SMOX: variants seen among roughly 807,000 people sequenced by gnomAD.
SMOX encodes the protein flavin containing amine oxidase.
SMOX carries 22 observed loss-of-function variants against 51.0 expected under a neutral mutation model. The observed-to-expected ratio is 0.43, with a 90% CI of 0.31 to 0.62. The LOEUF is 0.62. SMOX is among the 20% of genes least tolerant of loss of function. The pLI is 0.10. For synonymous variants in SMOX, 282 were observed against 307.8 expected (o/e 0.92, Z 0.88); for missense variants, 566 against 777.7 (o/e 0.73, Z 3.24).
At position 4,172,801 on chromosome 20, in the gene SMOX, G is replaced by C. The variant is rs1600814098; in HGVS notation, c.-26-2229G>C. Among the ~76,000 whole-genome samples, 1 of 137,024 alleles carries C rather than the reference G, an allele frequency of 7.3e-6. No homozygotes were observed. The highest frequency in any genetic ancestry group is 1.6e-5 in the Non-Finnish European group (1 of 62,766). 89.9% of individuals were successfully genotyped at this position (137,024 alleles called of 152,430 possible). The stretch of plus-strand genomic sequence containing the variant: ...AGGGATTTTAGGGGCTGGAGGGTGG[G>C]TGGGTGGGAGGGGGGGTGGTGGAGG... On this transcript the variant is annotated intron_variant, in intron 1 of 6. Transcript: ENST00000305958. The surrounding 1 kb of genome is among the most constrained non-coding windows in gnomAD (Gnocchi z 7.7).
chr20:4,184,375 A>G (rs947828056), intron 6 of SMOX, among the ~76,000 whole-genome samples: 2 of 152,166 alleles, frequency 1.3e-5, no homozygotes, highest in South Asian at 2.1e-4. Context: ...AGGTTACCAT[A>G]GTAAAGTACA....
chr20:4,152,678 G>T (rs973986217), intron 1 of SMOX, among the ~76,000 whole-genome samples: 3 of 152,150 alleles, frequency 2.0e-5, no homozygotes, highest in African/African-American at 7.2e-5. Flanking sequence ...AGGCCAAGAG[G>T]CAGGGCAGGG....
At chr20:4,152,135 G>A (rs548590817) in intron 1 of SMOX, among the ~76,000 whole-genome samples, 6 of 152,308 alleles carry the variant, frequency 3.9e-5, no homozygotes, top group East Asian at 1.9e-4. Flanking sequence ...GAGGGCAGCC[G>A]GTGGGATGTG....
intron 1 of SMOX, among the ~76,000 whole-genome samples, chr20:4,168,205 T>C (rs954862730): frequency 6.6e-6 from 1 of 151,808 alleles, no homozygotes; most frequent in African/African-American, 2.4e-5. Context: ...GGAAGAGAGG[T>C]TTAAAGTCCC....
intron 1 of SMOX, among the ~76,000 whole-genome samples, chr20:4,158,324 C>A (rs1287890136): frequency 6.6e-6 from 1 of 152,146 alleles, no homozygotes; most frequent in Non-Finnish European, 1.5e-5. Flanking sequence ...GCCCTAGCTC[C>A]CCTCTCTTGT....
chr20:4,155,555 G>T (rs776521648), intron 1 of SMOX, among the ~76,000 whole-genome samples: 3 of 152,108 alleles, frequency 2.0e-5, no homozygotes, highest in African/African-American at 4.8e-5. Context: ...CACACGGTTT[G>T]CTGGGTGGGG....
chr20:4,175,107 G>A lies in SMOX; in HGVS notation c.52G>A (p.Gly18Ser), dbSNP rs763892702. 17 of 1,614,216 alleles carry A rather than the reference G, an allele frequency of 1.1e-5. No individual in the cohort carries two copies. The highest frequency in any genetic ancestry group is 2.2e-5 in the East Asian group (1 of 44,880). Residue 18 changes from glycine to serine, a missense_variant, in exon 2 of 7, where the codon GGC becomes AGC. Gly to Ser is a moderately conservative substitution (Grantham distance 56). This residue lies in a region of SMOX where 217 missense variants were observed against 278.4 expected (regional missense o/e 0.78). Coordinates refer to ENST00000305958, the MANE Select transcript of SMOX (RefSeq NM_175839.3). Reference sequence around the variant, plus strand: ...CAGTGCGGATGACCCTCTCAGTCGCGGCCTACGGAGAAGGGGACAGCCTCG... The same window carrying A: ...CAGTGCGGATGACCCTCTCAGTCGCAGCCTACGGAGAAGGGGACAGCCTCG... ...GDSADDPLSR[G>S]LRRRGQPRVV... is the part of the protein sequence containing the mutation.
At chr20:4,159,029 AT>A (rs1178648051) in intron 1 of SMOX, among the ~76,000 whole-genome samples, 1 of 150,070 alleles carries the variant, frequency 6.7e-6, no homozygotes, top group East Asian at 1.9e-4. Context: ...AAAAAAAAAA[AT>A]CATACACAAT....
chr20:4,174,896 A>G, intron 1 of SMOX, 134 bp from the exon 2 acceptor site: 1 of 793,404 alleles, frequency 1.3e-6, no homozygotes, highest in Non-Finnish European at 2.0e-6. Context: ...AGGTCCTCAG[A>G]GAGGGAGGGA....
chr20:4,165,599 T>A (rs1238255267), intron 1 of SMOX, among the ~76,000 whole-genome samples: 1 of 152,072 alleles, frequency 6.6e-6, no homozygotes, highest in Non-Finnish European at 1.5e-5. Context: ...GACCATGGGG[T>A]CTTATCCTAA....
Position 4,170,316 on chromosome 20 carries a change from A to G in SMOX, c.-26-4714A>G, listed in dbSNP as rs995549881. ...TTGGTGGTCCTGTAATTTGCCCTCA[A>G]TGAGGAAAGTGCCAGGAGTTGGGTG... On this transcript the variant is annotated intron_variant, in intron 1 of 6. Transcript: ENST00000305958. The surrounding 1 kb of genome is among the most constrained non-coding windows in gnomAD (Gnocchi z 4.6). 4.6e-5 allele frequency among the ~76,000 whole-genome samples: 7 copies of G among 152,106 alleles called. No homozygotes were observed. Among genetic ancestry groups the G allele is most frequent in the Admixed American group, 1.3e-4 (2 of 15,268 alleles).
Position 4,187,123 on chromosome 20 carries a change from C to T in SMOX, c.1531-147C>T. On this transcript the variant is annotated intron_variant, in intron 6 of 6. Coordinates refer to ENST00000305958, the MANE Select transcript of SMOX (RefSeq NM_175839.3). This position sits in a 1 kb window ranked among gnomAD's most constrained non-coding sequence, Gnocchi z 4.8. Reference sequence around the variant, plus strand: ...AAGTGGCCAGATAGGATGGGCAGCTCTTCATCCTGTGGAAGCAGCAGCACC... The same window carrying T: ...AAGTGGCCAGATAGGATGGGCAGCTTTTCATCCTGTGGAAGCAGCAGCACC... The T allele has an allele frequency of 9.2e-7, 1 of 1,083,160 alleles. No individual in the cohort carries two copies. Among genetic ancestry groups the T allele is most frequent in the Non-Finnish European group, 1.3e-6 (1 of 773,290 alleles). The allele number at this position is 1,083,160 out of a possible 1,614,324, so 67.1% of individuals were successfully genotyped here.
intron 1 of SMOX, among the ~76,000 whole-genome samples, chr20:4,154,386 C>CTTTTT (rs57727682): frequency 6.7e-6 from 1 of 149,954 alleles, no homozygotes. Context: ...TTCTTTCTTT[C>CTTTTT]TTTTTTTGAG....
chr20:4,163,362 A>G (rs1179016343), intron 1 of SMOX, among the ~76,000 whole-genome samples: 1 of 152,182 alleles, frequency 6.6e-6, no homozygotes, highest in South Asian at 2.1e-4. Flanking sequence ...GGCCTGGGCC[A>G]GGCTCCCTGC....
At chr20:4,171,656 C>T (rs1334814806) in intron 1 of SMOX, 2 of 152,208 alleles carry the variant, frequency 1.3e-5, no homozygotes, top group Non-Finnish European at 1.5e-5. Context: ...ATTCCATGTG[C>T]GATGTCTGTT....
chr20:4,183,416 G>T lies in SMOX; in HGVS notation c.1370-78G>T. On this transcript the variant is annotated intron_variant, in intron 5 of 6. Transcript: ENST00000305958. This position sits in a 1 kb window ranked among gnomAD's most constrained non-coding sequence, Gnocchi z 4.3. ...CGGAGCCCTGGAGGTGGGGTGGGGGGTTGTCCCTTTGGGGTCATCTTCCAT... is the reference window on the plus strand; with the variant it reads ...CGGAGCCCTGGAGGTGGGGTGGGGGTTTGTCCCTTTGGGGTCATCTTCCAT... 1.2e-6 allele frequency: 2 copies of T among 1,607,164 alleles called. No individual in the cohort carries two copies. The highest frequency in any genetic ancestry group is 2.2e-5 in the South Asian group (2 of 90,734).
chr20:4,173,301 C>T (rs1403645641), intron 1 of SMOX, among the ~76,000 whole-genome samples: 4 of 152,150 alleles, frequency 2.6e-5, no homozygotes, highest in African/African-American at 7.2e-5. Context: ...TCCTGAGCTT[C>T]GTGTGAATGA....
intron 1 of SMOX, among the ~76,000 whole-genome samples, chr20:4,164,666 C>T (rs1235339437): frequency 2.6e-5 from 4 of 152,080 alleles, no homozygotes; most frequent in African/African-American, 7.2e-5. Flanking sequence ...TGGGGTTCGC[C>T]GAAGGCTGTG....
At chr20:4,165,059 T>G (rs1332940806) in intron 1 of SMOX, among the ~76,000 whole-genome samples, 2 of 140,820 alleles carry the variant, frequency 1.4e-5, no homozygotes, top group African/African-American at 5.2e-5. Context: ...GTTTTTTTTT[T>G]TTTTTTTTTT....
Sources: gnomAD v4.1 joint callset for allele counts (sites outside exome capture counted in the v4.1 genomes callset) on GRCh38, gnomAD v4.1.1 for gene constraint, gnomAD v4.1.1 regional missense constraint, Gnocchi (gnomAD v3.1) non-coding constraint, MANE v1.5 for transcripts, NCBI Gene and HGNC (gene_info 2026-07-23, HGNC 2026-07-21) for gene names.